FBXL2: variants seen among roughly 807,000 people sequenced by gnomAD.
FBXL2 encodes the protein F-box and leucine rich repeat protein 2.
In FBXL2, 38 loss-of-function variants were observed where a neutral mutation model predicts 69.2. The ratio of observed to expected loss-of-function variants is 0.55; its 90% CI spans 0.42 to 0.72. The LOEUF (loss-of-function observed/expected upper bound fraction) is 0.72, where lower values mean the gene tolerates loss of function less well. Among genes scored for constraint, FBXL2 ranks in the 30% least tolerant of loss-of-function variants. The pLI is 0.00. For synonymous variants in FBXL2, 192 were observed against 201.3 expected (o/e 0.95, Z 0.39); for missense variants, 354 against 520.3 (o/e 0.68, Z 3.11).
At chr3:33,378,885 G>C in intron 13 of FBXL2, 144 bp downstream of exon 13, 2 of 1,446,914 alleles carry the variant, frequency 1.4e-6, no homozygotes, top group South Asian at 2.9e-5. Context: ...AACTTGGGAG[G>C]CAAGGTATCT....
chr3:33,359,000 C>T lies in FBXL2; in HGVS notation c.99C>T (p.Cys33=), dbSNP rs752023878. 1.6e-5 allele frequency: 25 copies of T among 1,549,022 alleles called. No individual in the cohort carries two copies. Among genetic ancestry groups the T allele is most frequent in the Non-Finnish European group, 1.7e-6 (2 of 1,142,882 alleles). Reference sequence around the variant, plus strand: ...CCTTCTTGGATATAGTAACTTTGTGCCGATGTGCACAGATTTCCAAGGTAG... The same window carrying T: ...CCTTCTTGGATATAGTAACTTTGTGTCGATGTGCACAGATTTCCAAGGTAG... ...IFSFLDIVTL[C]RCAQISKAWN... The change falls in exon 3 of 15, where the codon TGC becomes TGT. Residue 33 remains cysteine (C), a synonymous_variant. Transcript: ENST00000484457.
At chr3:33,385,386 T>C (rs573817291) in intron 14 of FBXL2, 115 bp from the exon 15 acceptor site, 8 of 926,048 alleles carry the variant, frequency 8.6e-6, no homozygotes, top group Non-Finnish European at 1.3e-5. Flanking sequence ...GCATAAATTC[T>C]ACTTCAACTA....
At chr3:33,420,180 T>TTA in the FBXL2 span, among the ~76,000 whole-genome samples, 1 of 152,184 alleles carries the variant, frequency 6.6e-6, no homozygotes, top group Non-Finnish European at 1.5e-5. Context: ...TCATGAAACT[T>TTA]TAGTAACATG....
At chr3:33,375,568 G>C in intron 10 of FBXL2, 150 bp downstream of exon 10, 1 of 811,806 alleles carries the variant, frequency 1.2e-6, no homozygotes. Flanking sequence ...ATTGGGGTGG[G>C]GCGTGTATAA....
chr3:33,323,811 G>T (rs1359966211), intron 2 of FBXL2, among the ~76,000 whole-genome samples: 2 of 152,004 alleles, frequency 1.3e-5, no homozygotes, highest in Non-Finnish European at 2.9e-5. Context: ...TAATCCTTTG[G>T]GTATATACCA....
In FBXL2 at chr3:33,375,310, T is replaced by C; in HGVS notation, c.680T>C (p.Val227Ala). 1.2e-6 allele frequency: 2 copies of C among 1,614,204 alleles called. No homozygotes were observed. The highest frequency in any genetic ancestry group is 1.7e-6 in the Non-Finnish European group (2 of 1,180,008). The change falls in exon 10 of 15, where the codon GTG (valine) becomes GCG (alanine). Residue 227 changes from valine (V) to alanine (A), a missense_variant. By Grantham distance (64) the Val-to-Ala change is moderately conservative. Transcript: ENST00000484457. ...SCSRITDEGV[V>A]QICRGCHRLQ... ...CAGCGTATCACGGATGAAGGTGTGG[T>C]GCAGATATGCAGGGGCTGTCACCGG...
intron 1 of FBXL2, among the ~76,000 whole-genome samples, chr3:33,278,634 T>C (rs1022725067): frequency 6.6e-6 from 1 of 152,126 alleles, no homozygotes; most frequent in Non-Finnish European, 1.5e-5. Flanking sequence ...GTGGATGGTG[T>C]CTCTCATTGA....
intron 2 of FBXL2, among the ~76,000 whole-genome samples, chr3:33,358,109 T>A (rs2041343864): frequency 6.6e-6 from 1 of 152,104 alleles, no homozygotes; most frequent in Non-Finnish European, 1.5e-5. Flanking sequence ...TTAACCACTC[T>A]CCCCCTTCCA....
chr3:33,378,550 A>C, intron 12 of FBXL2, 135 bp from the exon 13 acceptor site: 2 of 796,036 alleles, frequency 2.5e-6, no homozygotes, highest in Admixed American at 5.6e-5. Context: ...TGAAGAGAGG[A>C]GCTCCCAGCC....
chr3:33,403,094 G>A (rs1048203317), intron 12 of FBXL2: 23 of 542,062 alleles, frequency 4.2e-5, no homozygotes, highest in Non-Finnish European at 6.3e-5. Context: ...TGCTGTGTGC[G>A]TCTAGACACT....
chr3:33,291,992 A>C (rs1304599983), intron 1 of FBXL2, among the ~76,000 whole-genome samples: 1 of 152,216 alleles, frequency 6.6e-6, no homozygotes, highest in Non-Finnish European at 1.5e-5. Context: ...TGCAAAAAGC[A>C]TAAGAAAGTT....
chr3:33,404,090 G>C (rs780343760), downstream of FBXL2, among the ~76,000 whole-genome samples: 4 of 152,102 alleles, frequency 2.6e-5, no homozygotes, highest in Non-Finnish European at 5.9e-5. Flanking sequence ...GTGAGACCCT[G>C]TTTCTACCAA....
At chr3:33,379,967 T>C (rs1006049630) in intron 13 of FBXL2, among the ~76,000 whole-genome samples, 4 of 152,206 alleles carry the variant, frequency 2.6e-5, no homozygotes, top group Admixed American at 6.5e-5. Flanking sequence ...GCACGGTGGC[T>C]CACACCTCTA....
intron 2 of FBXL2, among the ~76,000 whole-genome samples, chr3:33,344,877 A>G (rs6773669): frequency 0.024 from 3,699 of 152,302 alleles, 152 homozygotes; most frequent in African/African-American, 0.084. Context: ...GGACATCACT[A>G]TAACATCTAC....
Position 33,277,480 on chromosome 3 carries a change from T to C in FBXL2, c.-33T>C. 3 of 1,287,578 alleles carry C rather than the reference T, an allele frequency of 2.3e-6. No homozygotes were observed. The highest frequency in any genetic ancestry group is 2.0e-6 in the Non-Finnish European group (2 of 1,009,948). 79.8% of individuals were successfully genotyped at this position (1,287,578 alleles called of 1,614,324 possible). A position where few individuals can be genotyped will look rare whatever the true frequency, so the allele number is the denominator to read the frequency against. On this transcript the variant is annotated 5_prime_UTR_variant, in exon 1 of 15. Transcript: ENST00000484457. ...CGGGCGTCGCCGGCGCCGTGTGACT[T>C]CGGGCTGTGGGCTCGCTCGCGGCTC... is the stretch of plus-strand genomic sequence containing the variant.
chr3:33,293,589 A>C lies in FBXL2; in HGVS notation c.4-4075A>C, dbSNP rs1258676620. On this transcript the variant is annotated intron_variant, in intron 1 of 14. Transcript: ENST00000484457. ...CAGGAGCATTGAAGATGGGGGAATC[A>C]CTGCTTCAACAGCAAGACATTCTAG... 2.0e-5 allele frequency among the ~76,000 whole-genome samples: 3 copies of C among 152,292 alleles called. No homozygotes were observed. In the East Asian group the frequency reaches 5.8e-4, roughly 29 times the overall value.
the FBXL2 span, among the ~76,000 whole-genome samples, chr3:33,418,702 T>A: frequency 1.3e-5 from 2 of 151,358 alleles, no homozygotes; most frequent in Non-Finnish European, 2.9e-5. Context: ...CTACTAAAAA[T>A]ACAAAAATTA....
At chr3:33,369,892 C>CAT (rs1392673555) in intron 5 of FBXL2, among the ~76,000 whole-genome samples, 1 of 152,112 alleles carries the variant, frequency 6.6e-6, no homozygotes, top group Admixed American at 6.5e-5. Context: ...GGATTACAGG[C>CAT]ATGAGCCACA....
intron 2 of FBXL2, among the ~76,000 whole-genome samples, chr3:33,319,191 T>TC (rs1164630964): frequency 6.6e-6 from 1 of 152,190 alleles, no homozygotes; most frequent in Non-Finnish European, 1.5e-5. Flanking sequence ...AGCACAAACT[T>TC]CAAGTATGGG....
Sources: gnomAD v4.1 joint callset for allele counts (sites outside exome capture counted in the v4.1 genomes callset) on GRCh38, gnomAD v4.1.1 for gene constraint, MANE v1.5 for transcripts, NCBI Gene and HGNC (gene_info 2026-07-23, HGNC 2026-07-21) for gene names.